The following ZSCAN5A variants were observed in gnomAD, a reference collection of about 807,000 sequenced individuals.
ZSCAN5A encodes zinc finger and SCAN domain containing 5A.
A neutral mutation model predicts 23.7 loss-of-function variants in ZSCAN5A; 12 were observed. The ratio of observed to expected loss-of-function variants is 0.51; its 90% CI spans 0.32 to 0.82. The LOEUF (loss-of-function observed/expected upper bound fraction) is 0.82, where lower values mean the gene tolerates loss of function less well. Among genes scored for constraint, ZSCAN5A ranks in the 40% least tolerant of loss-of-function variants. ZSCAN5A has a pLI of 0.03. For synonymous variants in ZSCAN5A, 257 were observed against 239.9 expected, an observed-to-expected ratio of 1.07 and a Z score of -0.66; for missense variants, 597 against 617.9, an observed-to-expected ratio of 0.97 and a Z score of 0.36.
At chr19:56,229,756 G>GT (rs908506670) in intron 2 of ZSCAN5A, among the ~76,000 whole-genome samples, 15 of 151,258 alleles carry the variant, frequency 9.9e-5, no homozygotes, top group East Asian at 5.8e-4. Context: ...GGTCTTTTTT[G>GT]TTTTTTTTCA....
chr19:56,302,385 TCCTC>T (rs1417619848), intron 2 of ZSCAN5A, among the ~76,000 whole-genome samples: 2 of 136,528 alleles, frequency 1.5e-5, no homozygotes, highest in African/African-American at 5.4e-5. Flanking sequence ...TCCTTCTCTC[TCCTC>T]CCTCCCTATT....
intron 2 of ZSCAN5A, chr19:56,298,101 G>C (rs987544141): frequency 6.7e-6 from 1 of 149,588 alleles, no homozygotes; most frequent in African/African-American, 2.5e-5. Context: ...CAACACTAAT[G>C]GTTGGTTCTT....
intron 2 of ZSCAN5A, among the ~76,000 whole-genome samples, chr19:56,286,115 G>A (rs531766703): frequency 7.2e-5 from 11 of 152,150 alleles, no homozygotes; most frequent in African/African-American, 2.2e-4. Flanking sequence ...TCCGCCTCCC[G>A]GGTTCAAGCG....
rs145255025 is a variant in ZSCAN5A, at chr19:56,245,911, C to T, written c.-127-20738G>A. Among the ~76,000 whole-genome samples, 1,335 of 151,940 alleles carry T rather than the reference C, an allele frequency of 8.8e-3. 14 individuals are homozygous for T. The highest frequency in any genetic ancestry group is 0.03 in the African/African-American group (1,248 of 41,438). On this transcript the variant is annotated intron_variant, in intron 2 of 5. Coordinates refer to ENST00000683990, the MANE Select transcript of ZSCAN5A (RefSeq NM_001322064.3). ...GTTGATAGCATCTAGAGGGTGGAGG[C>T]GGGGTCTCTGCTCTGCACAGGAGCG...
At position 56,260,506 on chromosome 19, in the gene ZSCAN5A, G is replaced by A. The variant is rs562666746; in HGVS notation, c.-127-35333C>T. 3.3e-5 allele frequency among the ~76,000 whole-genome samples: 5 copies of A among 152,086 alleles called. No individual in the cohort carries two copies. In the South Asian group the frequency reaches 6.2e-4, roughly 19 times the overall value. ...TGGGATTCCAGGCATGAGCCACCGC[G>A]CCTGGGCTTTTTTTTACATTTTTTT... On this transcript the variant is annotated intron_variant, in intron 2 of 5. Coordinates refer to ENST00000683990, the MANE Select transcript of ZSCAN5A (RefSeq NM_001322064.3).
At chr19:56,237,998 C>G (rs1165962990) in intron 2 of ZSCAN5A, among the ~76,000 whole-genome samples, 107 of 38,742 alleles carry the variant, frequency 2.8e-3, no homozygotes, top group East Asian at 4.7e-3. Context: ...CACACATACG[C>G]ACACATACAC....
chr19:56,284,086 T>C, intron 2 of ZSCAN5A: 2 of 802,214 alleles, frequency 2.5e-6, no homozygotes, highest in Non-Finnish European at 3.0e-6. Context: ...TCTGACCTCG[T>C]TTTTGGTTTT....
intron 2 of ZSCAN5A, among the ~76,000 whole-genome samples, chr19:56,337,610 G>A (rs143231082): frequency 3.3e-5 from 5 of 152,126 alleles, no homozygotes; most frequent in South Asian, 2.1e-4. Flanking sequence ...CCCACTGTCC[G>A]GCACTCCCCA....
At chr19:56,245,555 C>T in intron 2 of ZSCAN5A, 1 of 311,540 alleles carries the variant, frequency 3.2e-6, no homozygotes, top group Non-Finnish European at 5.9e-6. Flanking sequence ...GGATGTGTTA[C>T]ATCCTTAGAC....
chr19:56,249,782 C>T (rs1323562561), intron 2 of ZSCAN5A, among the ~76,000 whole-genome samples: 1 of 152,130 alleles, frequency 6.6e-6, no homozygotes, highest in Non-Finnish European at 1.5e-5. Flanking sequence ...CTTTTCCATC[C>T]AAGGCGCCAC....
intron 2 of ZSCAN5A, among the ~76,000 whole-genome samples, chr19:56,337,849 G>A (rs1182058833): frequency 6.6e-6 from 1 of 152,196 alleles, no homozygotes; most frequent in Non-Finnish European, 1.5e-5. Context: ...GCAGGTACAT[G>A]TTGCTTTACA....
intron 2 of ZSCAN5A, among the ~76,000 whole-genome samples, chr19:56,345,808 G>T (rs1372603503): frequency 6.6e-6 from 1 of 152,142 alleles, no homozygotes; most frequent in Non-Finnish European, 1.5e-5. Flanking sequence ...TGTAAACAAT[G>T]ACATTTCTAA....
intron 2 of ZSCAN5A, among the ~76,000 whole-genome samples, chr19:56,302,563 C>T (rs10418624): frequency 0.097 from 9,008 of 92,764 alleles, 534 homozygotes; most frequent in East Asian, 0.17. Context: ...CTCCCTCCCC[C>T]CTTCCTTTTC....
chr19:56,284,160 G>A, intron 2 of ZSCAN5A: 1 of 985,388 alleles, frequency 1.0e-6, no homozygotes. Context: ...ATGTAACCTT[G>A]GCCACCATGC....
At chr19:56,366,661 C>A (rs1364159125) in intron 1 of ZSCAN5A, among the ~76,000 whole-genome samples, 2 of 152,140 alleles carry the variant, frequency 1.3e-5, no homozygotes, top group Admixed American at 1.3e-4. Flanking sequence ...ATTTTCTTTG[C>A]CTTGTTTCTG....
intron 2 of ZSCAN5A, chr19:56,302,805 G>A (rs2147282613): frequency 2.5e-6 from 1 of 398,294 alleles, no homozygotes; most frequent in Non-Finnish European, 4.4e-6. Flanking sequence ...CACTCATTCT[G>A]CCTCTCTCTC....
intron 2 of ZSCAN5A, among the ~76,000 whole-genome samples, chr19:56,302,551 C>CTCCCTTTTCTTCCTCTCCCTCTT (rs1441071543): frequency 2.5e-5 from 1 of 40,016 alleles, no homozygotes; most frequent in Non-Finnish European, 8.0e-5. Flanking sequence ...CCCCGTTCCT[C>CTCCCTTTTCTTCCTCTCCCTCTT]CCTCCCTCCC....
At chr19:56,253,916 T>C (rs1053661424) in intron 2 of ZSCAN5A, among the ~76,000 whole-genome samples, 2 of 152,224 alleles carry the variant, frequency 1.3e-5, no homozygotes, top group Non-Finnish European at 2.9e-5. Flanking sequence ...TGTATAGTTA[T>C]GACAGATGTC....
intron 2 of ZSCAN5A, among the ~76,000 whole-genome samples, chr19:56,243,328 A>C (rs1243295722): frequency 6.6e-6 from 1 of 152,210 alleles, no homozygotes; most frequent in Non-Finnish European, 1.5e-5. Context: ...TGCATGTCTT[A>C]GTGCCATGAA....
Sources: allele counts gnomAD v4.1 joint callset (sites outside exome capture counted in the v4.1 genomes callset), GRCh38; gene constraint gnomAD v4.1.1; transcripts MANE v1.5; gene names NCBI Gene and HGNC (gene_info 2026-07-23, HGNC 2026-07-21).